Variants in CAPN3 observed in about 807,000 individuals in gnomAD.
The protein encoded by CAPN3 is calpain 3.
In CAPN3, 88 loss-of-function variants were observed where a neutral mutation model predicts 114.0. That is an observed-to-expected ratio of 0.77 (90% CI 0.65 to 0.92). CAPN3 has a LOEUF of 0.92. Among genes scored for constraint, CAPN3 ranks in the 40% least tolerant of loss-of-function variants. The pLI is 0.00. For synonymous variants in CAPN3, 386 were observed against 382.9 expected (o/e 1.01, Z -0.09); for missense variants, 1,028 against 1,069.0 (o/e 0.96, Z 0.53).
chr15:42,384,509 C>G lies in CAPN3; in HGVS notation c.336C>G (p.Ile112Met). The change falls in exon 2 of 24, where the codon ATC (isoleucine) becomes ATG (methionine). Residue 112 changes from isoleucine (I) to methionine (M), a missense_variant. Ile to Met is a conservative substitution (Grantham distance 10, BLOSUM62 1). Coordinates refer to ENST00000397163, the MANE Select transcript of CAPN3 (RefSeq NM_000070.3). ...PPEICENPRF[I>M]IDGANRTDIC... Reference sequence around the variant, plus strand: ...AAATTTGCGAGAATCCCCGATTTATCATTGATGGAGCCAACAGAACTGACA... The same window carrying G: ...AAATTTGCGAGAATCCCCGATTTATGATTGATGGAGCCAACAGAACTGACA... 3.7e-6 allele frequency: 6 copies of G among 1,613,908 alleles called. No individual in the cohort carries two copies. Among genetic ancestry groups the G allele is most frequent in the African/African-American group, 1.3e-5 (1 of 75,034 alleles).
In CAPN3 at chr15:42,411,899, C is replaced by A; in HGVS notation, c.*126C>A. The stretch of plus-strand genomic sequence containing the variant: ...CCCTACAGGCTTCCAGGCACCTCAT[C>A]AGTCATGCTCCTCCTCCATTTTACC... On this transcript the variant is annotated 3_prime_UTR_variant, in exon 24 of 24. Coordinates refer to ENST00000397163, the MANE Select transcript of CAPN3 (RefSeq NM_000070.3). 1 of 1,579,572 alleles carries A rather than the reference C, an allele frequency of 6.3e-7. No homozygotes were observed. Among genetic ancestry groups the A allele is most frequent in the Non-Finnish European group, 8.6e-7 (1 of 1,162,032 alleles).
rs749614603 is a variant in CAPN3 at position 42,409,938 on chromosome 15, C to G, written c.2058C>G (p.Asp686Glu). Reference sequence around the variant, plus strand: ...TCTTCTCCATCCCCCCAGACAAGGACCTGAAGACACACGGGTTCACACTGG... The same window carrying G: ...TCTTCTCCATCCCCCCAGACAAGGAGCTGAAGACACACGGGTTCACACTGG... ...VLNTVVNKHK[D>E]LKTHGFTLES... The change falls in exon 19 of 24, where the codon GAC (aspartate) becomes GAG (glutamate). Residue 686 changes from aspartate to glutamate, a missense_variant. Asp to Glu is a conservative substitution (Grantham distance 45). Coordinates refer to ENST00000397163, the MANE Select transcript of CAPN3 (RefSeq NM_000070.3). The G allele has an allele frequency of 1.1e-4, 175 of 1,612,348 alleles. No homozygotes were observed. The highest frequency in any genetic ancestry group is 1.4e-4 in the Non-Finnish European group (168 of 1,179,890).
At chr15:42,395,118 G>C (rs550097263) in intron 8 of CAPN3, among the ~76,000 whole-genome samples, 22 of 152,240 alleles carry the variant, frequency 1.4e-4, no homozygotes, top group Non-Finnish European at 2.8e-4. Context: ...TGTAATTACT[G>C]GTTCGTTCAG....
chr15:42,377,683 G>A (rs1206258440), intron 1 of CAPN3, among the ~76,000 whole-genome samples: 8 of 152,128 alleles, frequency 5.3e-5, no homozygotes. Context: ...TGGCCTGATA[G>A]AATGAGTTAG....
At chr15:42,392,497 TG>T (rs1157437926) in intron 6 of CAPN3, 141 bp from the exon 7 acceptor site, 1 of 686,520 alleles carries the variant, frequency 1.5e-6, no homozygotes, top group Non-Finnish European at 2.7e-6. Context: ...GGTCCGTTCG[TG>T]GTCGTGAGGC....
intron 1 of CAPN3, among the ~76,000 whole-genome samples, chr15:42,360,762 C>T (rs541589071): frequency 3.8e-4 from 58 of 152,174 alleles, no homozygotes; most frequent in African/African-American, 1.4e-3. Context: ...TGACAGAGCC[C>T]GGATTAAAAC....
At chr15:42,408,828 G>A (rs528145428) in intron 16 of CAPN3, 11 of 278,950 alleles carry the variant, frequency 3.9e-5, no homozygotes, top group South Asian at 1.2e-4. Context: ...TCTTCTATCC[G>A]GGGGCCCCTC....
chr15:42,398,215 T>C (rs1257882534), intron 9 of CAPN3, among the ~76,000 whole-genome samples: 1 of 152,138 alleles, frequency 6.6e-6, no homozygotes, highest in East Asian at 1.9e-4. Context: ...ATTAGGGTAA[T>C]TGAGATACCA....
At chr15:42,398,901 C>T (rs2053785201) in intron 9 of CAPN3, among the ~76,000 whole-genome samples, 1 of 150,560 alleles carries the variant, frequency 6.6e-6, no homozygotes, top group African/African-American at 2.4e-5. Flanking sequence ...TCTCCTGCCT[C>T]AGCCTCCCAA....
At chr15:42,386,038 C>G in intron 2 of CAPN3, 129 bp from the exon 3 acceptor site, 1 of 771,052 alleles carries the variant, frequency 1.3e-6, no homozygotes, top group South Asian at 1.4e-5. Flanking sequence ...AAGGTCAGAT[C>G]TGGAAGTAGG....
chr15:42,401,837 C>G (rs765184558), intron 11 of CAPN3, 27 bp downstream of exon 11: 1 of 1,604,196 alleles, frequency 6.2e-7, no homozygotes, highest in South Asian at 1.1e-5. Flanking sequence ...GGCTCCAGCC[C>G]AGGAAACATA....
At chr15:42,408,345 G>T in intron 16 of CAPN3, 21 bp downstream of exon 16, 1 of 1,518,154 alleles carries the variant, frequency 6.6e-7, no homozygotes, top group Non-Finnish European at 9.1e-7. Context: ...ATGTGGCATG[G>T]GTGGGGTGGC....
chr15:42,396,733 T>A (rs1022429264), intron 8 of CAPN3, 67 bp from the exon 9 acceptor site: 1 of 1,232,490 alleles, frequency 8.1e-7, no homozygotes, highest in Non-Finnish European at 1.2e-6. Flanking sequence ...CTCTGATACC[T>A]CCTGTCCCAA....
Position 42,410,408 on chromosome 15 carries a change from C to T in CAPN3, c.2116-20C>T. 6.2e-7 allele frequency: 1 copy of T among 1,613,310 alleles called. No homozygotes were observed. Among genetic ancestry groups the T allele is most frequent in the Non-Finnish European group, 8.5e-7 (1 of 1,179,348 alleles). ...GGGGATTTTGCTGTGTGCTGTGTAG[C>T]CCTGACCTCCCTCCTCCAGACAGAT... On this transcript the variant is annotated intron_variant, in intron 19 of 23. Transcript: ENST00000397163.
At chr15:42,377,990 A>G (rs1365303895) in intron 1 of CAPN3, among the ~76,000 whole-genome samples, 2 of 152,196 alleles carry the variant, frequency 1.3e-5, no homozygotes, top group African/African-American at 4.8e-5. Context: ...TTTAATGTCC[A>G]AAAGTTCAGT....
intron 1 of CAPN3, among the ~76,000 whole-genome samples, chr15:42,368,505 A>G (rs531643253): frequency 6.6e-6 from 1 of 152,334 alleles, no homozygotes; most frequent in Admixed American, 6.5e-5. Flanking sequence ...CAATAATTTA[A>G]TGAATCAATA....
intron 1 of CAPN3, 74 bp from the exon 2 acceptor site, chr15:42,384,409 T>C (rs765538617): frequency 6.3e-6 from 7 of 1,118,980 alleles, no homozygotes; most frequent in Admixed American, 1.7e-5. Flanking sequence ...AGACTCCGTC[T>C]CAAAAAAATA....
At position 42,410,909 on chromosome 15, in the gene CAPN3, TG is replaced by T. The variant is rs886044527; in HGVS notation, c.2290del (p.Asp764ThrfsTer12). The T allele has an allele frequency of 1.2e-6, 2 of 1,614,038 alleles. No homozygotes were observed. Among genetic ancestry groups the T allele is most frequent in the Admixed American group, 3.3e-5 (2 of 60,034 alleles). On this transcript the variant is annotated frameshift_variant, in exon 22 of 24. Transcript: ENST00000397163. LOFTEE classifies it high-confidence loss of function. ...AGFHLNNQLYDIITMRYADKH... is the reference protein window; with the variant it reads ...AGFHLNNQLYXIITMRYADKH... ...GATTCCACCTCAACAACCAGCTCTA[TG>T]ACATCATTACCATGCGGTACGCAGA... is the stretch of plus-strand genomic sequence containing the variant.
chr15:42,401,251 G>C (rs1049407821), intron 10 of CAPN3, among the ~76,000 whole-genome samples: 2 of 152,002 alleles, frequency 1.3e-5, no homozygotes, highest in African/African-American at 4.8e-5. Flanking sequence ...CATCATGCGC[G>C]TGTAGGGGGC....
Sources: allele counts gnomAD v4.1 joint callset (sites outside exome capture counted in the v4.1 genomes callset), GRCh38; gene constraint gnomAD v4.1.1; transcripts MANE v1.5; gene names NCBI Gene and HGNC (gene_info 2026-07-23, HGNC 2026-07-21).